Variants in TTC28 observed in about 807,000 individuals in gnomAD.
TTC28 encodes the protein tetratricopeptide repeat protein 28.
TTC28 carries 61 observed loss-of-function variants against 198.0 expected under a neutral mutation model. The ratio of observed to expected loss-of-function variants is 0.31; its 90% CI spans 0.25 to 0.38. TTC28 has a LOEUF of 0.38. TTC28 is among the 10% of genes least tolerant of loss of function. TTC28 has a pLI of 1.00. For synonymous variants in TTC28, 1,171 were observed against 1,297.8 expected (o/e 0.90, Z 2.10); for missense variants, 2,678 against 3,164.0 (o/e 0.85, Z 3.69).
At chr22:28,120,398 G>C (rs1258754148) in intron 6 of TTC28, among the ~76,000 whole-genome samples, 1 of 152,146 alleles carries the variant, frequency 6.6e-6, no homozygotes, top group Non-Finnish European at 1.5e-5. Flanking sequence ...TAGGGACAAA[G>C]GCAGGGTGGC....
intron 5 of TTC28, among the ~76,000 whole-genome samples, chr22:28,266,172 T>C (rs1931672295): frequency 6.8e-6 from 1 of 146,324 alleles, no homozygotes. Context: ...AGAGCGAGAC[T>C]CTGTCTCAAA....
In TTC28 at chr22:28,357,315, A is replaced by ATTT. The variant is rs11415868; in HGVS notation, c.382-50675_382-50673dup. Among the ~76,000 whole-genome samples the ATTT allele has an allele frequency of 1.9e-3, 212 of 113,426 alleles. 6 individuals are homozygous for ATTT. The highest frequency in any genetic ancestry group is 2.2e-3 in the African/African-American group (63 of 29,050). 74.4% of individuals were successfully genotyped at this position (113,426 alleles called of 152,430 possible). A position where few individuals can be genotyped will look rare whatever the true frequency, so the allele number is the denominator to read the frequency against. On this transcript the variant is annotated intron_variant, in intron 2 of 22. Coordinates refer to ENST00000397906, the MANE Select transcript of TTC28 (RefSeq NM_001145418.2). ...AGAAATCACTTTTATCAAATTTCTT[A>ATTT]TTTTTTTTTTTTTTTTTTTTTGAGA... is the stretch of plus-strand genomic sequence containing the variant.
At chr22:28,414,289 A>C (rs2047134340) in intron 2 of TTC28, among the ~76,000 whole-genome samples, 3 of 152,188 alleles carry the variant, frequency 2.0e-5, no homozygotes, top group Admixed American at 2.0e-4. Flanking sequence ...AGTAATAATA[A>C]ATCTGAAGTT....
At chr22:28,368,478 T>A (rs1305358295) in intron 2 of TTC28, among the ~76,000 whole-genome samples, 1 of 152,068 alleles carries the variant, frequency 6.6e-6, no homozygotes, top group Non-Finnish European at 1.5e-5. Flanking sequence ...TCCTCTAAGA[T>A]GTAGAACATG....
chr22:28,325,035 C>T (rs2045505292), intron 2 of TTC28, among the ~76,000 whole-genome samples: 1 of 149,712 alleles, frequency 6.7e-6, no homozygotes, highest in African/African-American at 2.5e-5. Context: ...CAATTGGAAT[C>T]GTTTCACAAG....
rs1266953865 is a variant in TTC28 at position 28,030,283 on chromosome 22, G to A, written c.4016C>T (p.Ser1339Leu). The A allele has an allele frequency of 4.5e-6, 7 of 1,551,678 alleles. No individual in the cohort carries two copies. The highest frequency in any genetic ancestry group is 1.4e-5 in the African/African-American group (1 of 73,066). Reference sequence around the variant, plus strand: ...CAGAAAGCCAGTGGGGTCAGTGACCGAGTTGAGTTTGTTGTTCATCTCTTC... The same window carrying A: ...CAGAAAGCCAGTGGGGTCAGTGACCAAGTTGAGTTTGTTGTTCATCTCTTC... Reference protein sequence around the residue: ...QFEEMNNKLNSVTDPTGFLRM... With the variant: ...QFEEMNNKLNLVTDPTGFLRM... The change falls in exon 13 of 23, where the codon TCG becomes TTG. Residue 1339 changes from serine (S) to leucine (L), a missense_variant. This residue lies in a region of TTC28 where 727 missense variants were observed against 861.9 expected (regional missense o/e 0.84). Transcript: ENST00000397906.
chr22:28,250,438 C>T (rs1403638191), intron 5 of TTC28, among the ~76,000 whole-genome samples: 3 of 151,950 alleles, frequency 2.0e-5, no homozygotes, highest in African/African-American at 7.3e-5. Flanking sequence ...TAATATAGTC[C>T]AGTCAGTCAT....
At chr22:28,364,411 C>T (rs2046210880) in intron 2 of TTC28, among the ~76,000 whole-genome samples, 1 of 152,130 alleles carries the variant, frequency 6.6e-6, no homozygotes. Flanking sequence ...TCAGGTATAT[C>T]TTTATCAGCA....
At chr22:28,298,876 T>G (rs2044957257) in intron 3 of TTC28, among the ~76,000 whole-genome samples, 1 of 152,244 alleles carries the variant, frequency 6.6e-6, no homozygotes, top group Admixed American at 6.5e-5. Flanking sequence ...CCACTGCTGC[T>G]TCGGAAACCA....
rs1330272898 is a variant in TTC28, at chr22:27,999,033, G to A, written c.4626C>T (p.Cys1542=). The A allele has an allele frequency of 1.2e-5, 18 of 1,550,082 alleles. No homozygotes were observed. The highest frequency in any genetic ancestry group is 1.4e-5 in the Non-Finnish European group (16 of 1,146,956). The change falls in exon 16 of 23, where the codon TGC becomes TGT. Residue 1542 remains cysteine (C), a synonymous_variant. Coordinates refer to ENST00000397906, the MANE Select transcript of TTC28 (RefSeq NM_001145418.2). Reference sequence around the variant, plus strand: ...AGGAGATGTGGGTGGCAAAGTGGACGCATTCAGCCTGGGTCAGGGCACTCA... The same window carrying A: ...AGGAGATGTGGGTGGCAAAGTGGACACATTCAGCCTGGGTCAGGGCACTCA... ...RVMSALTQAE[C]VHFATHISWK... is the part of the protein sequence containing the mutation.
At chr22:28,053,319 T>G (rs909484068) in intron 12 of TTC28, among the ~76,000 whole-genome samples, 7 of 152,254 alleles carry the variant, frequency 4.6e-5, no homozygotes, top group African/African-American at 1.4e-4. Flanking sequence ...TTTATGTATT[T>G]TTTTAACCTT....
chr22:28,516,076 G>T (rs541347201), intron 2 of TTC28, among the ~76,000 whole-genome samples: 2 of 151,832 alleles, frequency 1.3e-5, no homozygotes, highest in African/African-American at 4.8e-5. Flanking sequence ...AACCCAGGAG[G>T]CGGAGGTTGC....
At chr22:28,068,628 T>C (rs952912358) in intron 12 of TTC28, among the ~76,000 whole-genome samples, 8 of 152,206 alleles carry the variant, frequency 5.3e-5, no homozygotes, top group African/African-American at 1.7e-4. Context: ...TGTTTCAAGG[T>C]TGAGCTAAAA....
chr22:28,041,133 A>G (rs1261620514), intron 12 of TTC28, among the ~76,000 whole-genome samples: 2 of 152,234 alleles, frequency 1.3e-5, no homozygotes, highest in Non-Finnish European at 2.9e-5. Context: ...GGAAGAATCA[A>G]TATCATGAAA....
chr22:28,383,469 A>G (rs1191825471), intron 2 of TTC28, among the ~76,000 whole-genome samples: 4 of 152,208 alleles, frequency 2.6e-5, no homozygotes, highest in Non-Finnish European at 4.4e-5. Flanking sequence ...TTACAAATGT[A>G]CACTCAAATC....
intron 5 of TTC28, among the ~76,000 whole-genome samples, chr22:28,247,386 G>T (rs1183568356): frequency 1.3e-5 from 2 of 152,186 alleles, no homozygotes; most frequent in African/African-American, 4.8e-5. Flanking sequence ...GTGAAGCTGA[G>T]AGTTGCTTAC....
intron 5 of TTC28, among the ~76,000 whole-genome samples, chr22:28,193,135 C>T (rs931868879): frequency 7.2e-5 from 11 of 152,144 alleles, no homozygotes; most frequent in African/African-American, 2.7e-4. Context: ...GGCCAATATT[C>T]AATATTCTTA....
intron 6 of TTC28, among the ~76,000 whole-genome samples, chr22:28,138,063 T>A (rs1452204040): frequency 2.6e-5 from 4 of 152,034 alleles, no homozygotes; most frequent in Non-Finnish European, 4.4e-5. Flanking sequence ...CTGGCCCACA[T>A]TCAAGGGAAG....
At chr22:28,390,115 A>C (rs1333397514) in intron 2 of TTC28, among the ~76,000 whole-genome samples, 1 of 152,112 alleles carries the variant, frequency 6.6e-6, no homozygotes, top group African/African-American at 2.4e-5. Flanking sequence ...GTAGTCATTC[A>C]GGAGCAGGTT....
Sources: allele counts gnomAD v4.1 joint callset (sites outside exome capture counted in the v4.1 genomes callset), GRCh38; gene constraint gnomAD v4.1.1; regional missense constraint gnomAD v4.1.1; transcripts MANE v1.5; gene names NCBI Gene and HGNC (gene_info 2026-07-23, HGNC 2026-07-21).